The following OGDH variants were observed in gnomAD, a reference collection of about 807,000 sequenced individuals.
OGDH encodes 2-oxoglutarate dehydrogenase complex component E1.
Under a neutral mutation model 116.6 loss-of-function variants are expected in OGDH, and 38 were observed. The ratio of observed to expected loss-of-function variants is 0.33; its 90% CI spans 0.25 to 0.43. OGDH has a LOEUF of 0.43. OGDH is among the 20% of genes least tolerant of loss of function. OGDH has a pLI of 1.00. For synonymous variants in OGDH, 488 were observed against 533.3 expected (o/e 0.92, Z 1.17); for missense variants, 825 against 1,357.2 (o/e 0.61, Z 6.16).
At chr7:44,648,639 G>A (rs979705796) in intron 4 of OGDH, among the ~76,000 whole-genome samples, 3 of 149,580 alleles carry the variant, frequency 2.0e-5, no homozygotes, top group African/African-American at 7.7e-5. Flanking sequence ...GCACTTTTGG[G>A]GAATGGTACA....
At chr7:44,625,752 G>A (rs1785177351) in intron 2 of OGDH, among the ~76,000 whole-genome samples, 1 of 152,146 alleles carries the variant, frequency 6.6e-6, no homozygotes, top group African/African-American at 2.4e-5. Context: ...AAGGAAGTCT[G>A]CTTCCACTGG....
intron 9 of OGDH, 33 bp downstream of exon 9, chr7:44,676,182 C>T (rs376325105): frequency 1.8e-5 from 29 of 1,613,872 alleles, no homozygotes; most frequent in African/African-American, 1.3e-4. Context: ...CAAGGCAGAT[C>T]GTCAAGGCCC....
At chr7:44,617,023 C>T (rs1784833373) in intron 1 of OGDH, among the ~76,000 whole-genome samples, 2 of 147,630 alleles carry the variant, frequency 1.4e-5, no homozygotes, top group Non-Finnish European at 3.0e-5. Flanking sequence ...TAACCACCTC[C>T]CGGGTTCAAG....
chr7:44,702,916 G>T (rs1022631672), intron 20 of OGDH, among the ~76,000 whole-genome samples: 2 of 152,004 alleles, frequency 1.3e-5, no homozygotes, highest in Non-Finnish European at 2.9e-5. Context: ...TTTTATTATG[G>T]TAAAATACAC....
intron 3 of OGDH, among the ~76,000 whole-genome samples, chr7:44,646,429 C>G (rs1585279121): frequency 6.6e-6 from 1 of 152,242 alleles, no homozygotes; most frequent in East Asian, 1.9e-4. Context: ...CCCTTCATGC[C>G]ATGGCCTGGC....
At position 44,696,051 on chromosome 7, in the gene OGDH, C is replaced by A. The variant is rs1464744116; in HGVS notation, c.1695C>A (p.Ile565=). ...YEEEISKYDK[I]CEEAFARSKD... is the part of the protein sequence containing the mutation. ...AGGAAATTTCCAAGTATGATAAGAT[C>A]TGTGAGGAAGCTTTTGCCAGATCTA... is the stretch of plus-strand genomic sequence containing the variant. Residue 565 remains isoleucine (I), a synonymous_variant, in exon 13 of 23, where the codon ATC becomes ATA. Coordinates refer to ENST00000222673, the MANE Select transcript of OGDH (RefSeq NM_002541.4). The A allele has an allele frequency of 5.6e-6, 9 of 1,611,850 alleles. No individual in the cohort carries two copies. The highest frequency in any genetic ancestry group is 7.6e-6 in the Non-Finnish European group (9 of 1,178,146).
At chr7:44,671,778 A>T (rs1438227195) in intron 5 of OGDH, among the ~76,000 whole-genome samples, 2 of 136,938 alleles carry the variant, frequency 1.5e-5, no homozygotes, top group Non-Finnish European at 3.1e-5. Context: ...AAAAAAAAAA[A>T]AAAAAAAAAT....
At chr7:44,687,829 A>G (rs1461881483) in intron 10 of OGDH, among the ~76,000 whole-genome samples, 2 of 152,146 alleles carry the variant, frequency 1.3e-5, no homozygotes, top group African/African-American at 4.8e-5. Context: ...TTTTTAGTAT[A>G]TTTATAAATA....
intron 2 of OGDH, among the ~76,000 whole-genome samples, chr7:44,627,145 T>C (rs1785238831): frequency 6.6e-6 from 1 of 152,066 alleles, no homozygotes; most frequent in Non-Finnish European, 1.5e-5. Context: ...TACAGGCCTG[T>C]GCCACCACGC....
At chr7:44,700,292 C>T (rs752858294) in intron 19 of OGDH, 23 bp downstream of exon 19, 1 of 1,613,236 alleles carries the variant, frequency 6.2e-7, no homozygotes, top group Admixed American at 1.7e-5. Flanking sequence ...GCCTCCCTTG[C>T]TCAAACGAGG....
intron 10 of OGDH, among the ~76,000 whole-genome samples, chr7:44,692,456 T>C (rs1206917875): frequency 6.6e-6 from 1 of 152,210 alleles, no homozygotes; most frequent in East Asian, 1.9e-4. Context: ...ACATATGAAG[T>C]ACAAATAGCA....
intron 1 of OGDH, among the ~76,000 whole-genome samples, chr7:44,606,939 C>T (rs1236786242): frequency 6.6e-6 from 1 of 151,930 alleles, no homozygotes; most frequent in Admixed American, 6.6e-5. Context: ...CGGAGCGACG[C>T]GCCATTGGCG....
In OGDH at chr7:44,707,884, C is replaced by T. The variant is rs1789156524; in HGVS notation, c.2957C>T (p.Ala986Val). The change falls in exon 23 of 23, where the codon GCC becomes GTC. Residue 986 changes from alanine to valine, a missense_variant. Coordinates refer to ENST00000222673, the MANE Select transcript of OGDH (RefSeq NM_002541.4). The surrounding 1 kb of genome is among the most constrained non-coding windows in gnomAD (Gnocchi z 5.2). The stretch of plus-strand genomic sequence containing the variant: ...CCCCTCCCTCCATCTCTCAGGTATG[C>T]CGGCCGGGACCCAGCGGCTGCTCCA... Reference protein sequence around the residue: ...TISRAKPVWYAGRDPAAAPAT... With the variant: ...TISRAKPVWYVGRDPAAAPAT... The T allele has an allele frequency of 1.2e-6, 2 of 1,612,436 alleles. No homozygotes were observed. The highest frequency in any genetic ancestry group is 1.7e-6 in the Non-Finnish European group (2 of 1,179,362).
intron 9 of OGDH, among the ~76,000 whole-genome samples, chr7:44,680,289 GTC>G (rs770126752): frequency 6.6e-6 from 1 of 152,126 alleles, no homozygotes; most frequent in Non-Finnish European, 1.5e-5. Context: ...TCTCAGTTCT[GTC>G]TCTCTGGAGA....
intron 10 of OGDH, among the ~76,000 whole-genome samples, chr7:44,682,385 CAAAAA>C (rs888406332): frequency 7.6e-6 from 1 of 131,832 alleles, no homozygotes; most frequent in Admixed American, 7.8e-5. Flanking sequence ...AACTCCATTT[CAAAAA>C]AAAAAAAGAA....
At chr7:44,693,077 G>A (rs2116331892) in intron 10 of OGDH, among the ~76,000 whole-genome samples, 1 of 152,218 alleles carries the variant, frequency 6.6e-6, no homozygotes, top group African/African-American at 2.4e-5. Flanking sequence ...GGGAGGCTGA[G>A]GCAGGTGGAT....
chr7:44,676,720 A>G (rs1787719218), intron 9 of OGDH: 2 of 276,066 alleles, frequency 7.2e-6, no homozygotes, highest in African/African-American at 4.6e-5. Context: ...TGTAATTGTC[A>G]GAACTATGTG....
chr7:44,667,799 C>T (rs1002660538), intron 5 of OGDH, among the ~76,000 whole-genome samples: 1 of 152,114 alleles, frequency 6.6e-6, no homozygotes, highest in African/African-American at 2.4e-5. Flanking sequence ...GCTAAAGGAT[C>T]GAGGTTAAAA....
intron 6 of OGDH, 48 bp downstream of exon 6, chr7:44,673,989 G>T: frequency 6.2e-7 from 1 of 1,610,772 alleles, no homozygotes; most frequent in Non-Finnish European, 8.5e-7. Flanking sequence ...CAGGGAAGCA[G>T]TGACCCTGTC....
Sources: allele counts gnomAD v4.1 joint callset (sites outside exome capture counted in the v4.1 genomes callset), GRCh38; gene constraint gnomAD v4.1.1; non-coding constraint Gnocchi (gnomAD v3.1); transcripts MANE v1.5; gene names NCBI Gene and HGNC (gene_info 2026-07-23, HGNC 2026-07-21).